Variants in NRXN1 observed in about 807,000 individuals in gnomAD.
NRXN1 encodes neurexin 1.
In NRXN1, 39 loss-of-function variants were observed where a neutral mutation model predicts 150.9. The ratio of observed to expected loss-of-function variants is 0.26; its 90% CI spans 0.20 to 0.34. The LOEUF is 0.34. NRXN1 is among the 10% of genes least tolerant of loss of function. The pLI, the probability that NRXN1 is intolerant of heterozygous loss-of-function variation, is 1.00. For synonymous variants in NRXN1, 924 were observed against 757.0 expected, an observed-to-expected ratio of 1.22 and a Z score of -3.62; for missense variants, 1,815 against 1,949.9, an observed-to-expected ratio of 0.93 and a Z score of 1.30.
intron 8 of NRXN1, among the ~76,000 whole-genome samples, chr2:50,593,000 C>CT (rs1206958274): frequency 6.6e-6 from 1 of 152,192 alleles, no homozygotes; most frequent in Non-Finnish European, 1.5e-5. Flanking sequence ...AATTACTACT[C>CT]TAAAAAGCCC....
intron 18 of NRXN1, among the ~76,000 whole-genome samples, chr2:50,223,597 A>T (rs147864470): frequency 6.6e-6 from 1 of 151,922 alleles, no homozygotes; most frequent in African/African-American, 2.4e-5. Context: ...CTGATGCTCT[A>T]TGGGATTTGG....
intron 2 of NRXN1, among the ~76,000 whole-genome samples, chr2:51,019,354 C>T (rs960370331): frequency 6.6e-6 from 1 of 152,008 alleles, no homozygotes; most frequent in Non-Finnish European, 1.5e-5. Flanking sequence ...AGACAAAGTA[C>T]ACTGCATAAT....
intron 9 of NRXN1, among the ~76,000 whole-genome samples, chr2:50,546,074 C>T (rs1366818693): frequency 1.3e-5 from 2 of 152,024 alleles, no homozygotes; most frequent in Non-Finnish European, 2.9e-5. Context: ...AATGGGGGGC[C>T]GGGCCGACTG....
chr2:50,949,284 T>C (rs991100063), intron 2 of NRXN1, among the ~76,000 whole-genome samples: 1 of 152,032 alleles, frequency 6.6e-6, no homozygotes. Context: ...AGGGATTTAG[T>C]TAAACAAAAA....
rs2091071958 is a variant in NRXN1, at chr2:50,489,053, A to T, written c.3070+6852T>A. ...GAAGAGCTCAAGCCATCTAATCACC[A>T]TCCTGCTGGGACGTGGTAAACTGTC... is the stretch of plus-strand genomic sequence containing the variant. On this transcript the variant is annotated intron_variant, in intron 15 of 22. Transcript: ENST00000401669. 4.6e-5 allele frequency among the ~76,000 whole-genome samples: 7 copies of T among 152,092 alleles called. No homozygotes were observed. The South Asian group carries it at 1.5e-3, about 32-fold the overall frequency.
chr2:50,081,739 ACTAG>A lies in NRXN1; in HGVS notation c.3718+9580_3718+9583del, dbSNP rs1304126464. On this transcript the variant is annotated intron_variant, in intron 19 of 22. Transcript: ENST00000401669. Reference sequence around the variant, plus strand: ...AAAATTGTTCATCATACACCAAAATACTAGCTATTATGTATTATCATTATAAAAA... The same window carrying A: ...AAAATTGTTCATCATACACCAAAATACTATTATGTATTATCATTATAAAAA... 3.3e-5 allele frequency among the ~76,000 whole-genome samples: 5 copies of A among 152,264 alleles called. No homozygotes were observed. In the East Asian group the frequency reaches 7.7e-4, roughly 24 times the overall value.
At chr2:50,130,840 G>C (rs996945871) in intron 18 of NRXN1, among the ~76,000 whole-genome samples, 3 of 152,200 alleles carry the variant, frequency 2.0e-5, no homozygotes, top group Non-Finnish European at 2.9e-5. Flanking sequence ...GTGAAGACTT[G>C]AAAAGAGCAG....
intron 5 of NRXN1, among the ~76,000 whole-genome samples, chr2:50,774,197 C>T (rs992395661): frequency 3.3e-5 from 5 of 152,058 alleles, no homozygotes; most frequent in Admixed American, 1.3e-4. Flanking sequence ...TACTCATTCA[C>T]GTATTAAAAT....
chr2:50,018,750 C>A (rs1394126758), intron 21 of NRXN1, among the ~76,000 whole-genome samples: 1 of 152,226 alleles, frequency 6.6e-6, no homozygotes, highest in Non-Finnish European at 1.5e-5. Flanking sequence ...CTTGGTATAT[C>A]ATCTTCTGCC....
intron 2 of NRXN1, among the ~76,000 whole-genome samples, chr2:50,977,311 C>CT (rs1421237805): frequency 6.6e-6 from 1 of 151,634 alleles, no homozygotes; most frequent in East Asian, 1.9e-4. Flanking sequence ...GAAAGAAAAT[C>CT]TAATTTTTCA....
rs536351434 is a variant in NRXN1 at position 50,320,521 on chromosome 2, G to A, written c.3365-83551C>T. ...TACAGTGCCAAACGATTTGGCAATG[G>A]CATTAAGTGACACAGAAGTTCAAAG... On this transcript the variant is annotated intron_variant, in intron 17 of 22. Coordinates refer to ENST00000401669, the MANE Select transcript of NRXN1 (RefSeq NM_001330078.2). 4.6e-5 allele frequency among the ~76,000 whole-genome samples: 7 copies of A among 151,620 alleles called. No individual in the cohort carries two copies. In the East Asian group the frequency reaches 1.2e-3, roughly 25 times the overall value.
At chr2:50,447,046 A>G (rs1198574105) in intron 17 of NRXN1, among the ~76,000 whole-genome samples, 3 of 152,178 alleles carry the variant, frequency 2.0e-5, no homozygotes, top group Admixed American at 1.3e-4. Flanking sequence ...TCTCTCTAAT[A>G]ATGACTGCAA....
At chr2:50,776,367 G>A (rs905952213) in intron 5 of NRXN1, among the ~76,000 whole-genome samples, 2 of 151,912 alleles carry the variant, frequency 1.3e-5, no homozygotes, top group African/African-American at 2.4e-5. Flanking sequence ...GATTTGTCAG[G>A]TACAACAAGA....
intron 17 of NRXN1, among the ~76,000 whole-genome samples, chr2:50,262,056 A>G (rs2068344550): frequency 6.6e-6 from 1 of 151,886 alleles, no homozygotes; most frequent in Non-Finnish European, 1.5e-5. Context: ...TCCAGAGTAC[A>G]CTGAGCATGA....
chr2:50,469,490 T>G (rs949701962), intron 16 of NRXN1, among the ~76,000 whole-genome samples: 4 of 151,648 alleles, frequency 2.6e-5, no homozygotes, highest in African/African-American at 9.7e-5. Context: ...TAAGTAGTCC[T>G]ATCAATATGG....
chr2:50,784,881 C>G (rs1405151532), intron 5 of NRXN1, among the ~76,000 whole-genome samples: 1 of 152,028 alleles, frequency 6.6e-6, no homozygotes, highest in Non-Finnish European at 1.5e-5. Flanking sequence ...CCAGGGGCGT[C>G]TGAAAGGGAT....
intron 5 of NRXN1, among the ~76,000 whole-genome samples, chr2:50,911,171 C>A (rs1333408770): frequency 2.0e-5 from 3 of 151,950 alleles, no homozygotes; most frequent in African/African-American, 7.2e-5. Flanking sequence ...ATGAATAGAG[C>A]TTCCCTAGAC....
chr2:50,477,912 C>T (rs1357016694), intron 15 of NRXN1, among the ~76,000 whole-genome samples: 1 of 152,128 alleles, frequency 6.6e-6, no homozygotes, highest in Non-Finnish European at 1.5e-5. Context: ...GCAGCTTTTT[C>T]TCCTAATTCT....
intron 21 of NRXN1, among the ~76,000 whole-genome samples, chr2:49,953,227 T>C (rs1354829077): frequency 1.3e-5 from 2 of 152,104 alleles, no homozygotes; most frequent in African/African-American, 4.8e-5. Context: ...GTGTATTTTC[T>C]GATTTTGAGT....
Sources: allele counts gnomAD v4.1 joint callset (sites outside exome capture counted in the v4.1 genomes callset), GRCh38; gene constraint gnomAD v4.1.1; transcripts MANE v1.5; gene names NCBI Gene and HGNC (gene_info 2026-07-23, HGNC 2026-07-21).